Variants in LRRC37A2 observed in about 807,000 individuals in gnomAD.
The protein encoded by LRRC37A2 is leucine rich repeat containing 37 member A2.
Under a neutral mutation model 68.8 loss-of-function variants are expected in LRRC37A2, and 9 were observed. The ratio of observed to expected loss-of-function variants is 0.13; its 90% CI spans 0.08 to 0.23. LRRC37A2 has a LOEUF of 0.23. Ranked by LOEUF, LRRC37A2 falls within the 10% of genes least tolerant of loss-of-function variation. LRRC37A2 has a pLI of 1.00. For synonymous variants in LRRC37A2, 63 were observed against 367.6 expected, an observed-to-expected ratio of 0.17 and a Z score of 9.48; for missense variants, 168 against 950.4, an observed-to-expected ratio of 0.18 and a Z score of 10.82.
the LRRC37A2 span, among the ~76,000 whole-genome samples, chr17:46,957,089 G>C: frequency 6.6e-6 from 1 of 152,200 alleles, no homozygotes; most frequent in African/African-American, 2.4e-5. Context: ...CGGGTGGATC[G>C]TGTGAACCCA....
At chr17:46,751,486 G>T in the LRRC37A2 span, 7 of 1,591,848 alleles carry the variant, frequency 4.4e-6, no homozygotes, top group African/African-American at 4.0e-5. Context: ...TTTGATTATT[G>T]TTTATTGTTT....
the LRRC37A2 span, among the ~76,000 whole-genome samples, chr17:46,716,137 A>G: frequency 0.15 from 22,542 of 152,246 alleles, 1,995 homozygotes; most frequent in Non-Finnish European, 0.2. Flanking sequence ...TAGGTTGACA[A>G]AAGCCTGAGG....
At chr17:46,862,246 A>G in the LRRC37A2 span, among the ~76,000 whole-genome samples, 5 of 152,088 alleles carry the variant, frequency 3.3e-5, no homozygotes, top group East Asian at 3.8e-4. Flanking sequence ...AAATAAACTT[A>G]AAAAATAAAA....
At chr17:46,583,259 C>T in the LRRC37A2 span, among the ~76,000 whole-genome samples, 2 of 72,592 alleles carry the variant, frequency 2.8e-5, 1 homozygote, top group South Asian at 1.2e-3. Flanking sequence ...TCACCGCGCC[C>T]GGCCAGAAGG....
At chr17:46,895,401 T>C in the LRRC37A2 span, among the ~76,000 whole-genome samples, 10 of 152,220 alleles carry the variant, frequency 6.6e-5, no homozygotes, top group Non-Finnish European at 1.5e-4. Context: ...CCATTTGTGT[T>C]ATGAGGACGG....
the LRRC37A2 span, among the ~76,000 whole-genome samples, chr17:46,823,206 A>ATT: frequency 7.8e-6 from 1 of 128,298 alleles, no homozygotes; most frequent in African/African-American, 3.1e-5. Flanking sequence ...ATTTATATAT[A>ATT]ATATATTATA....
the LRRC37A2 span, among the ~76,000 whole-genome samples, chr17:47,003,243 C>CAA: frequency 6.4e-4 from 47 of 73,112 alleles, no homozygotes; most frequent in Non-Finnish European, 7.9e-4. Flanking sequence ...AATAGAGACT[C>CAA]AAAAAAAAAA....
the LRRC37A2 span, among the ~76,000 whole-genome samples, chr17:46,951,628 G>A: frequency 5.3e-5 from 8 of 152,252 alleles, no homozygotes; most frequent in East Asian, 3.9e-4. Context: ...CCATTCTTCC[G>A]GAACTTAGCA....
chr17:46,755,940 C>G, the LRRC37A2 span: 1 of 940,426 alleles, frequency 1.1e-6, no homozygotes, highest in Non-Finnish European at 1.6e-6. Context: ...CTACCTTCAA[C>G]ATGTGCTCGC....
chr17:46,750,139 G>A, the LRRC37A2 span, among the ~76,000 whole-genome samples: 2 of 152,166 alleles, frequency 1.3e-5, no homozygotes, highest in Non-Finnish European at 2.9e-5. Flanking sequence ...GATCACTTGA[G>A]GTCAGGAGTT....
the LRRC37A2 span, among the ~76,000 whole-genome samples, chr17:46,947,502 G>A: frequency 6.6e-6 from 1 of 152,166 alleles, no homozygotes. Context: ...TGTCAGGCTG[G>A]TGTGGGTGTG....
the LRRC37A2 span, chr17:46,821,182 A>T: frequency 6.6e-6 from 1 of 152,290 alleles, no homozygotes; most frequent in Admixed American, 6.5e-5. Flanking sequence ...AAGTGGGTTG[A>T]AGGGTGGAAT....
the LRRC37A2 span, among the ~76,000 whole-genome samples, chr17:46,899,699 C>T: frequency 6.6e-6 from 1 of 152,056 alleles, no homozygotes; most frequent in Admixed American, 6.5e-5. Flanking sequence ...GTGATGGTTG[C>T]ACAACTCTGT....
the LRRC37A2 span, among the ~76,000 whole-genome samples, chr17:46,745,233 T>C: frequency 6.6e-6 from 1 of 152,238 alleles, no homozygotes; most frequent in East Asian, 1.9e-4. Flanking sequence ...CACTTTAATA[T>C]ATTCGGAGCT....
the LRRC37A2 span, among the ~76,000 whole-genome samples, chr17:46,772,181 G>C: frequency 6.6e-6 from 1 of 152,180 alleles, no homozygotes; most frequent in Non-Finnish European, 1.5e-5. Context: ...GGGCGCGTAT[G>C]CGCTCGCGGC....
chr17:46,598,489 A>T, the LRRC37A2 span, among the ~76,000 whole-genome samples: 1 of 152,218 alleles, frequency 6.6e-6, no homozygotes, highest in African/African-American at 2.4e-5. Context: ...AAGCCAGTGG[A>T]TCTCTTTCTT....
chr17:46,899,403 TCAAAA>T, the LRRC37A2 span, among the ~76,000 whole-genome samples: 3 of 151,912 alleles, frequency 2.0e-5, no homozygotes, highest in Non-Finnish European at 4.4e-5. Context: ...AGACCCTGTC[TCAAAA>T]CAAACAAACA....
the LRRC37A2 span, among the ~76,000 whole-genome samples, chr17:46,803,966 G>C: frequency 6.6e-6 from 1 of 152,298 alleles, no homozygotes; most frequent in South Asian, 2.1e-4. Context: ...CAGGTAAAGC[G>C]TGTTTTCCCT....
chr17:46,921,329 A>G, the LRRC37A2 span: 1 of 152,240 alleles, frequency 6.6e-6, no homozygotes, highest in East Asian at 1.9e-4. Flanking sequence ...ACAAAAATCA[A>G]TTCAAGATGG....
Sources: allele counts gnomAD v4.1 joint callset (sites outside exome capture counted in the v4.1 genomes callset), GRCh38; gene constraint gnomAD v4.1.1; transcripts MANE v1.5; gene names NCBI Gene and HGNC (gene_info 2026-07-23, HGNC 2026-07-21).